Variants in UNC13C observed in about 807,000 individuals in gnomAD.
The protein encoded by UNC13C is unc-13 homolog C.
UNC13C carries 174 observed loss-of-function variants against 245.4 expected under a neutral mutation model. The ratio of observed to expected loss-of-function variants is 0.71; its 90% CI spans 0.63 to 0.80. The LOEUF (loss-of-function observed/expected upper bound fraction) is 0.80. Ranked by LOEUF, UNC13C falls within the 30% of genes least tolerant of loss-of-function variation. The pLI is 0.00. For synonymous variants in UNC13C, 992 were observed against 895.1 expected (o/e 1.11, Z -1.93); for missense variants, 2,829 against 2,602.9 (o/e 1.09, Z -1.89).
chr15:54,219,315 C>T (rs1450067494), intron 4 of UNC13C, among the ~76,000 whole-genome samples: 1 of 151,542 alleles, frequency 6.6e-6, no homozygotes, highest in Admixed American at 6.6e-5. Flanking sequence ...ACTATCTGAT[C>T]TTTGACAAAC....
chr15:54,578,826 G>A (rs1176241538), intron 30 of UNC13C, among the ~76,000 whole-genome samples: 1 of 152,196 alleles, frequency 6.6e-6, no homozygotes, highest in African/African-American at 2.4e-5. Flanking sequence ...CCAACGTGGT[G>A]AAACTCCGTC....
intron 10 of UNC13C, among the ~76,000 whole-genome samples, chr15:54,286,904 G>T (rs559461429): frequency 3.3e-5 from 5 of 152,054 alleles, no homozygotes; most frequent in Non-Finnish European, 7.4e-5. Context: ...AACAAAACCA[G>T]CTCTCTCTTT....
intron 17 of UNC13C, among the ~76,000 whole-genome samples, chr15:54,383,108 A>G (rs1010602646): frequency 2.6e-5 from 4 of 152,226 alleles, no homozygotes; most frequent in Non-Finnish European, 5.9e-5. Context: ...GCAGAATTCT[A>G]CCAAACATAT....
intron 17 of UNC13C, 94 bp from the exon 18 acceptor site, chr15:54,392,950 ACAAT>A: frequency 7.4e-7 from 1 of 1,348,186 alleles, no homozygotes; most frequent in Non-Finnish European, 9.8e-7. Flanking sequence ...TTTCATTTCC[ACAAT>A]CATTTTTCTT....
chr15:54,262,482 T>A (rs1211327348), intron 8 of UNC13C, among the ~76,000 whole-genome samples: 1 of 152,214 alleles, frequency 6.6e-6, no homozygotes, highest in Non-Finnish European at 1.5e-5. Flanking sequence ...TATCAGATAG[T>A]TTCAACTATT....
At chr15:53,839,719 T>A in the UNC13C span, among the ~76,000 whole-genome samples, 2 of 152,228 alleles carry the variant, frequency 1.3e-5, no homozygotes, top group South Asian at 4.1e-4. Flanking sequence ...GCTTTCCATT[T>A]TTTTTCCCCC....
chr15:54,299,846 T>G (rs1370814523), intron 12 of UNC13C, among the ~76,000 whole-genome samples: 1 of 152,120 alleles, frequency 6.6e-6, no homozygotes, highest in Non-Finnish European at 1.5e-5. Context: ...TCATATACTT[T>G]AAAGTTTGAG....
intron 19 of UNC13C, among the ~76,000 whole-genome samples, chr15:54,425,481 C>A (rs1334946834): frequency 6.6e-6 from 1 of 151,810 alleles, no homozygotes. Flanking sequence ...ACATGGACAA[C>A]CAGGCATGAG....
At chr15:53,881,987 A>T in the UNC13C span, among the ~76,000 whole-genome samples, 1 of 152,186 alleles carries the variant, frequency 6.6e-6, no homozygotes, top group South Asian at 2.1e-4. Flanking sequence ...AAAGGCCAGA[A>T]ACAAGGGTCA....
At chr15:54,058,661 T>C (rs1198829740) in intron 2 of UNC13C, among the ~76,000 whole-genome samples, 1 of 151,962 alleles carries the variant, frequency 6.6e-6, no homozygotes, top group Admixed American at 6.6e-5. Context: ...ACAACCAAAA[T>C]AGAGAATTTT....
At chr15:53,939,812 CG>C in the UNC13C span, among the ~76,000 whole-genome samples, 2 of 150,280 alleles carry the variant, frequency 1.3e-5, no homozygotes, top group Admixed American at 6.7e-5. Context: ...AGAGAAAGGA[CG>C]AGAGAGAGAG....
the UNC13C span, among the ~76,000 whole-genome samples, chr15:53,890,630 A>C: frequency 1.3e-5 from 2 of 152,156 alleles, no homozygotes; most frequent in African/African-American, 4.8e-5. Context: ...CATTTCTTCT[A>C]GATTTTCTAG....
chr15:54,331,303 A>G (rs952684185), intron 14 of UNC13C, among the ~76,000 whole-genome samples: 5 of 151,970 alleles, frequency 3.3e-5, no homozygotes, highest in African/African-American at 7.2e-5. Context: ...TTATGTTTTG[A>G]CTTTGTTTTT....
chr15:54,627,075 C>G lies in UNC13C; in HGVS notation c.6607C>G (p.Leu2203Val), dbSNP rs1901218333. The G allele has an allele frequency of 6.2e-7, 1 of 1,612,638 alleles. No individual in the cohort carries two copies. The highest frequency in any genetic ancestry group is 1.3e-5 in the African/African-American group (1 of 74,976). ...SDDVAKEFVR[L>V]KSETRSTEES... ...TGATGTGGCTAAAGAATTTGTAAGA[C>G]TTAAATCTGAAACAAGATCTACTGA... Residue 2203 changes from leucine to valine, a missense_variant, in exon 33 of 33, where the codon CTT (leucine) becomes GTT (valine). Coordinates refer to ENST00000260323, the MANE Select transcript of UNC13C (RefSeq NM_001080534.3).
At chr15:54,560,080 G>A (rs1596571432) in intron 29 of UNC13C, among the ~76,000 whole-genome samples, 1 of 152,022 alleles carries the variant, frequency 6.6e-6, no homozygotes, top group Middle Eastern at 3.4e-3. Flanking sequence ...AAACTTTAGT[G>A]GCTAACCTCT....
intron 7 of UNC13C, among the ~76,000 whole-genome samples, chr15:54,239,245 C>T (rs951705428): frequency 6.6e-6 from 1 of 152,126 alleles, no homozygotes; most frequent in Non-Finnish European, 1.5e-5. Context: ...TTCTTTCTGT[C>T]ATTGTCATCT....
At chr15:54,223,713 T>C (rs1159225363) in intron 4 of UNC13C, among the ~76,000 whole-genome samples, 1 of 152,080 alleles carries the variant, frequency 6.6e-6, no homozygotes, top group Non-Finnish European at 1.5e-5. Context: ...AATCTGTAGA[T>C]TGCTTTGGGT....
chr15:54,565,193 A>G (rs921396168), intron 29 of UNC13C, among the ~76,000 whole-genome samples: 2 of 151,998 alleles, frequency 1.3e-5, no homozygotes, highest in Non-Finnish European at 2.9e-5. Context: ...AACACCTGCA[A>G]TGTATTGTTG....
intron 2 of UNC13C, among the ~76,000 whole-genome samples, chr15:54,098,819 C>T (rs916606759): frequency 7.2e-5 from 11 of 152,132 alleles, no homozygotes; most frequent in Non-Finnish European, 8.8e-5. Context: ...TCTTTCTAAT[C>T]GAGATTTCCA....
Sources: allele counts gnomAD v4.1 joint callset (sites outside exome capture counted in the v4.1 genomes callset), GRCh38; gene constraint gnomAD v4.1.1; transcripts MANE v1.5; gene names NCBI Gene and HGNC (gene_info 2026-07-23, HGNC 2026-07-21).